The following PARD3B variants were observed in gnomAD, a reference collection of about 807,000 sequenced individuals.
The protein encoded by PARD3B is partitioning defective 3 homolog B.
Under a neutral mutation model 130.2 loss-of-function variants are expected in PARD3B, and 103 were observed. The ratio of observed to expected loss-of-function variants is 0.79; its 90% CI spans 0.67 to 0.93. The LOEUF is 0.93. Among genes scored for constraint, PARD3B ranks in the 40% least tolerant of loss-of-function variants. The probability of loss-of-function intolerance (pLI) is 0.00; values close to 1 mark genes in which losing one functional copy is unlikely to be tolerated. For synonymous variants in PARD3B, 583 were observed against 553.2 expected, an observed-to-expected ratio of 1.05 and a Z score of -0.76; for missense variants, 1,609 against 1,499.2, an observed-to-expected ratio of 1.07 and a Z score of -1.21.
At chr2:205,335,627 A>C (rs1026330120) in intron 18 of PARD3B, among the ~76,000 whole-genome samples, 13 of 134,976 alleles carry the variant, frequency 9.6e-5, no homozygotes, top group African/African-American at 3.2e-4. Flanking sequence ...TGATAAAGAC[A>C]TACACAAGAC....
chr2:204,972,605 A>G (rs1268200608), intron 3 of PARD3B, among the ~76,000 whole-genome samples: 16 of 152,202 alleles, frequency 1.1e-4, no homozygotes, highest in Admixed American at 1.0e-3. Context: ...AAAATTATTA[A>G]AAGGAATTTA....
intron 3 of PARD3B, among the ~76,000 whole-genome samples, chr2:205,034,559 A>C (rs962639759): frequency 1.3e-5 from 2 of 152,146 alleles, no homozygotes; most frequent in Non-Finnish European, 2.9e-5. Context: ...ATACAACTAC[A>C]TACACAAGAC....
intron 1 of PARD3B, among the ~76,000 whole-genome samples, chr2:204,631,021 T>C (rs1375335389): frequency 6.6e-6 from 1 of 152,196 alleles, no homozygotes. Context: ...CTTGGTTCTC[T>C]GGTTCTTTTA....
At position 205,070,911 on chromosome 2, in the gene PARD3B, C is replaced by T. The variant is rs554673533; in HGVS notation, c.504+23221C>T. Among the ~76,000 whole-genome samples the T allele has an allele frequency of 3.3e-5, 5 of 152,094 alleles. No homozygotes were observed. In the South Asian group the frequency reaches 6.2e-4, roughly 19 times the overall value. ...CTATTTCATTTCTTCTACATTTGCT[C>T]GCACTCTTTTATAATGTAGAGCTTT... On this transcript the variant is annotated intron_variant, in intron 4 of 22. Coordinates refer to ENST00000406610, the MANE Select transcript of PARD3B (RefSeq NM_001302769.2).
chr2:204,841,831 C>T (rs1456515963), intron 2 of PARD3B, among the ~76,000 whole-genome samples: 1 of 151,836 alleles, frequency 6.6e-6, no homozygotes, highest in Non-Finnish European at 1.5e-5. Context: ...TAATAATTAG[C>T]TAATTTTTTT....
chr2:205,165,350 T>G (rs2034746880), intron 11 of PARD3B, among the ~76,000 whole-genome samples: 2 of 152,176 alleles, frequency 1.3e-5, no homozygotes, highest in African/African-American at 4.8e-5. Context: ...GCAGAAGAAA[T>G]TATAAGATTC....
chr2:204,795,494 T>C (rs1291419355), intron 2 of PARD3B, among the ~76,000 whole-genome samples: 2 of 152,142 alleles, frequency 1.3e-5, no homozygotes, highest in African/African-American at 4.8e-5. Context: ...TGAGGAGAAA[T>C]GTTCAACAGA....
At chr2:205,192,405 G>T (rs1183875097) in intron 14 of PARD3B, among the ~76,000 whole-genome samples, 1 of 152,120 alleles carries the variant, frequency 6.6e-6, no homozygotes, top group Non-Finnish European at 1.5e-5. Context: ...CCAAACAGAT[G>T]AGAGTGCCAA....
At chr2:204,770,553 A>C (rs1408643969) in intron 2 of PARD3B, among the ~76,000 whole-genome samples, 1 of 152,088 alleles carries the variant, frequency 6.6e-6, no homozygotes, top group Admixed American at 6.6e-5. Flanking sequence ...TTGTATTTTC[A>C]AAATAATGTG....
At chr2:205,569,034 C>G (rs1432216050) in intron 22 of PARD3B, among the ~76,000 whole-genome samples, 1 of 152,188 alleles carries the variant, frequency 6.6e-6, no homozygotes, top group East Asian at 1.9e-4. Flanking sequence ...ACACCCCCAC[C>G]AGCACTGACT....
At position 205,078,952 on chromosome 2, in the gene PARD3B, C is replaced by T. The variant is rs758226247; in HGVS notation, c.505-25474C>T. Among the ~76,000 whole-genome samples the T allele has an allele frequency of 6.6e-5, 10 of 152,212 alleles. No individual in the cohort carries two copies. Among genetic ancestry groups the T allele is most frequent in the Non-Finnish European group, 7.3e-5 (5 of 68,038 alleles). ...CCACGTAAGTGAGCCGTCATGGATG[C>T]CCAGACCTGTGGAGCCTTGGCAGCA... On this transcript the variant is annotated intron_variant, in intron 4 of 22. Coordinates refer to ENST00000406610, the MANE Select transcript of PARD3B (RefSeq NM_001302769.2). This position sits in a 1 kb window ranked among gnomAD's most constrained non-coding sequence, Gnocchi z 4.0.
chr2:205,401,084 GAGA>G lies in PARD3B; in HGVS notation c.2709_2711del (p.Glu904del), dbSNP rs1396164939. On this transcript the variant is annotated inframe_deletion, in exon 19 of 23. Transcript: ENST00000406610. ...GGTACTCTGAAACATGGTGGCCTGA[GAGA>G]AGAAGAGCTGGAGAAAATGAAAGAA... 1.2e-6 allele frequency: 2 copies of G among 1,601,990 alleles called. No homozygotes were observed. Among genetic ancestry groups the G allele is most frequent in the Admixed American group, 1.7e-5 (1 of 58,564 alleles).
intron 18 of PARD3B, among the ~76,000 whole-genome samples, chr2:205,371,643 A>G (rs553124028): frequency 1.7e-4 from 26 of 152,298 alleles, no homozygotes; most frequent in South Asian, 1.2e-3. Flanking sequence ...CCTGGAGATG[A>G]TATCATCATC....
chr2:205,508,108 A>G (rs1213266741), intron 21 of PARD3B, among the ~76,000 whole-genome samples: 1 of 152,224 alleles, frequency 6.6e-6, no homozygotes, highest in East Asian at 1.9e-4. Flanking sequence ...GGAGGGAACA[A>G]TTCACCCCAG....
Position 205,615,826 on chromosome 2 carries a change from G to A in PARD3B, c.*13G>A, listed in dbSNP as rs766370209. The A allele has an allele frequency of 2.4e-5, 38 of 1,599,214 alleles. No individual in the cohort carries two copies. The Middle Eastern group carries it at 5.0e-4, about 21-fold the overall frequency. On this transcript the variant is annotated 3_prime_UTR_variant, in exon 23 of 23. Coordinates refer to ENST00000406610, the MANE Select transcript of PARD3B (RefSeq NM_001302769.2). ...TGCAGCCGTATAGCTGAGTGCCACC[G>A]AGGCCAGCCCGGTCCAGAAAGGAAG...
chr2:205,232,890 G>T (rs1574462299), intron 15 of PARD3B, among the ~76,000 whole-genome samples: 1 of 152,264 alleles, frequency 6.6e-6, no homozygotes, highest in Admixed American at 6.5e-5. Flanking sequence ...GAATTGTGGG[G>T]CAACTTCAGG....
intron 4 of PARD3B, among the ~76,000 whole-genome samples, chr2:205,070,813 C>A (rs1700682477): frequency 6.6e-6 from 1 of 152,038 alleles, no homozygotes; most frequent in Non-Finnish European, 1.5e-5. Flanking sequence ...CAGTTACTGT[C>A]AATATTTTTA....
chr2:205,075,979 T>A (rs533273058), intron 4 of PARD3B, among the ~76,000 whole-genome samples: 1 of 152,164 alleles, frequency 6.6e-6, no homozygotes, highest in Non-Finnish European at 1.5e-5. Flanking sequence ...ATATTTTATA[T>A]GATAAATTAC....
At chr2:205,103,809 G>T in intron 4 of PARD3B, 1 of 907,188 alleles carries the variant, frequency 1.1e-6, no homozygotes, top group Non-Finnish European at 1.3e-6. Flanking sequence ...CTGGAGTACA[G>T]GGCCTCTCTG....
Sources: gnomAD v4.1 joint callset for allele counts (sites outside exome capture counted in the v4.1 genomes callset) on GRCh38, gnomAD v4.1.1 for gene constraint, Gnocchi (gnomAD v3.1) non-coding constraint, MANE v1.5 for transcripts, NCBI Gene and HGNC (gene_info 2026-07-23, HGNC 2026-07-21) for gene names.